ZNF804B: variants seen among roughly 807,000 people sequenced by gnomAD.
ZNF804B encodes the protein zinc finger protein 804B, also known as zinc finger 804B.
ZNF804B carries 80 observed loss-of-function variants against 101.4 expected under a neutral mutation model. The observed-to-expected ratio is 0.79, with a 90% CI of 0.66 to 0.95. ZNF804B has a LOEUF of 0.95. Among genes scored for constraint, ZNF804B ranks in the 40% least tolerant of loss-of-function variants. ZNF804B has a pLI of 0.00. For synonymous variants in ZNF804B, 622 were observed against 558.8 expected (o/e 1.11, Z -1.59); for missense variants, 1,673 against 1,561.9 (o/e 1.07, Z -1.20).
chr7:89,193,547 G>A (rs1007167858), intron 1 of ZNF804B, among the ~76,000 whole-genome samples: 1 of 144,716 alleles, frequency 6.9e-6, no homozygotes, highest in African/African-American at 2.6e-5. Context: ...CCACCTATGA[G>A]TGATAACATG....
intron 1 of ZNF804B, among the ~76,000 whole-genome samples, chr7:88,866,785 A>C (rs912746079): frequency 6.6e-6 from 1 of 152,202 alleles, no homozygotes; most frequent in Non-Finnish European, 1.5e-5. Context: ...TGATTTGTTG[A>C]ATATTGATAG....
intron 1 of ZNF804B, among the ~76,000 whole-genome samples, chr7:89,082,290 C>T (rs548028908): frequency 1.0e-3 from 152 of 151,368 alleles, no homozygotes; most frequent in South Asian, 4.0e-3. Context: ...AATTTTTATC[C>T]GCATATATTT....
At chr7:89,270,161 T>A (rs1424388493) in intron 2 of ZNF804B, among the ~76,000 whole-genome samples, 1 of 152,174 alleles carries the variant, frequency 6.6e-6, no homozygotes, top group Non-Finnish European at 1.5e-5. Context: ...CTGAATGGTA[T>A]TGCCTAGGTT....
At position 88,838,491 on chromosome 7, in the gene ZNF804B, G is replaced by A. The variant is rs2115799021; in HGVS notation, c.108+78407G>A. The stretch of plus-strand genomic sequence containing the variant: ...GGAAAATTATTTGAAGTATTTATTT[G>A]GAAGGGGCTTGAAAGTATTTTTCTA... On this transcript the variant is annotated intron_variant, in intron 1 of 3. Transcript: ENST00000333190. Among the ~76,000 whole-genome samples, 2 of 151,998 alleles carry A rather than the reference G, an allele frequency of 1.3e-5. 1 individual carries two copies. Among genetic ancestry groups the A allele is most frequent in the South Asian group, 4.1e-4 (2 of 4,826 alleles).
chr7:88,939,536 G>T (rs1793026110), intron 1 of ZNF804B, among the ~76,000 whole-genome samples: 1 of 151,740 alleles, frequency 6.6e-6, no homozygotes, highest in African/African-American at 2.4e-5. Flanking sequence ...ATAAATAAAA[G>T]CCACCAACCA....
intron 2 of ZNF804B, among the ~76,000 whole-genome samples, chr7:89,259,319 G>T (rs1461748779): frequency 6.6e-6 from 1 of 152,126 alleles, no homozygotes; most frequent in Non-Finnish European, 1.5e-5. Flanking sequence ...GGTTGATTTA[G>T]TTTTGTTTTT....
chr7:88,831,000 AGTTT>A (rs1399504434), intron 1 of ZNF804B, among the ~76,000 whole-genome samples: 1 of 151,840 alleles, frequency 6.6e-6, no homozygotes, highest in African/African-American at 2.4e-5. Flanking sequence ...CAAATATTTT[AGTTT>A]GTCAGTTTTA....
chr7:89,261,907 T>G (rs1171147526), intron 2 of ZNF804B, among the ~76,000 whole-genome samples: 3 of 152,186 alleles, frequency 2.0e-5, no homozygotes, highest in African/African-American at 7.2e-5. Context: ...ATTATATAGC[T>G]TAGTCATTTG....
At position 89,335,637 on chromosome 7, in the gene ZNF804B, A is replaced by C; in HGVS notation, c.2655A>C (p.Lys885Asn). ...LGSPHICDLGKVRPMKCNSGN... is the reference protein window; with the variant it reads ...LGSPHICDLGNVRPMKCNSGN... The stretch of plus-strand genomic sequence containing the variant: ...GCCCTCACATTTGTGATCTGGGAAA[A>C]GTCAGGCCCATGAAGTGTAACTCCG... Residue 885 changes from lysine (K) to asparagine (N), a missense_variant, in exon 4 of 4, where the codon AAA becomes AAC. Lys to Asn is a moderately conservative substitution (Grantham distance 94). Coordinates refer to ENST00000333190, the MANE Select transcript of ZNF804B (RefSeq NM_181646.5). 1.2e-6 allele frequency: 2 copies of C among 1,614,020 alleles called. No homozygotes were observed. Among genetic ancestry groups the C allele is most frequent in the Non-Finnish European group, 1.7e-6 (2 of 1,179,962 alleles).
chr7:89,272,213 A>G (rs1372627960), intron 2 of ZNF804B, among the ~76,000 whole-genome samples: 2 of 151,926 alleles, frequency 1.3e-5, no homozygotes, highest in Non-Finnish European at 2.9e-5. Context: ...ATTGAATTTG[A>G]TCTCAGTCTT....
intron 1 of ZNF804B, among the ~76,000 whole-genome samples, chr7:89,183,388 T>TA (rs143497455): frequency 1.7e-4 from 26 of 150,644 alleles, no homozygotes; most frequent in East Asian, 3.9e-4. Flanking sequence ...AACTAGAGAG[T>TA]AAAAAAAAAG....
At chr7:89,253,234 A>T (rs922455081) in intron 2 of ZNF804B, among the ~76,000 whole-genome samples, 35 of 152,166 alleles carry the variant, frequency 2.3e-4, no homozygotes, top group African/African-American at 7.7e-4. Context: ...GTATTTTTAT[A>T]AACAAGAGAG....
At chr7:88,977,262 A>T (rs1793628823) in intron 1 of ZNF804B, among the ~76,000 whole-genome samples, 1 of 147,940 alleles carries the variant, frequency 6.8e-6, no homozygotes, top group Non-Finnish European at 1.5e-5. Context: ...TTGTAGAATG[A>T]GTTTGGAAGT....
chr7:89,289,102 T>C (rs889183376), intron 2 of ZNF804B, among the ~76,000 whole-genome samples: 22 of 151,380 alleles, frequency 1.5e-4, no homozygotes, highest in African/African-American at 4.1e-4. Flanking sequence ...TAAAAGAAAA[T>C]AGAGGAGGTA....
At chr7:88,974,256 A>C (rs1393642492) in intron 1 of ZNF804B, among the ~76,000 whole-genome samples, 2 of 147,116 alleles carry the variant, frequency 1.4e-5, no homozygotes, top group Non-Finnish European at 3.0e-5. Flanking sequence ...ATATATGAAA[A>C]TATATCAGAT....
At chr7:88,877,778 C>T (rs1258842532) in intron 1 of ZNF804B, among the ~76,000 whole-genome samples, 1 of 152,030 alleles carries the variant, frequency 6.6e-6, no homozygotes, top group Non-Finnish European at 1.5e-5. Context: ...TTATTATTTT[C>T]ATAAAATATA....
intron 1 of ZNF804B, among the ~76,000 whole-genome samples, chr7:88,957,134 A>C (rs1051881571): frequency 6.6e-6 from 1 of 151,454 alleles, no homozygotes; most frequent in Non-Finnish European, 1.5e-5. Flanking sequence ...CTGTTTATGA[A>C]AGGAAGCCCA....
At chr7:88,885,065 A>G (rs192673610) in intron 1 of ZNF804B, among the ~76,000 whole-genome samples, 20 of 152,078 alleles carry the variant, frequency 1.3e-4, no homozygotes, top group African/African-American at 4.6e-4. Context: ...ATTTCAATGC[A>G]TATATAATTT....
intron 1 of ZNF804B, among the ~76,000 whole-genome samples, chr7:88,906,734 G>T: frequency 6.6e-6 from 1 of 151,962 alleles, no homozygotes; most frequent in Non-Finnish European, 1.5e-5. Flanking sequence ...TGTTCTATAG[G>T]TGTCTACTAG....
Sources: allele counts gnomAD v4.1 joint callset (sites outside exome capture counted in the v4.1 genomes callset), GRCh38; gene constraint gnomAD v4.1.1; transcripts MANE v1.5; gene names NCBI Gene and HGNC (gene_info 2026-07-23, HGNC 2026-07-21).